Variants in RNF121 observed in about 807,000 individuals in gnomAD.
The protein encoded by RNF121 is ring finger protein 121.
RNF121 carries 21 observed loss-of-function variants against 46.5 expected under a neutral mutation model. The ratio of observed to expected loss-of-function variants is 0.45; its 90% CI spans 0.32 to 0.65. The LOEUF is 0.65. Among genes scored for constraint, RNF121 ranks in the 30% least tolerant of loss-of-function variants. The pLI is 0.04. For synonymous variants in RNF121, 139 were observed against 144.7 expected (o/e 0.96, Z 0.28); for missense variants, 346 against 416.0 (o/e 0.83, Z 1.46).
chr11:71,944,392 T>A (rs1386406894), intron 1 of RNF121, among the ~76,000 whole-genome samples: 7 of 152,210 alleles, frequency 4.6e-5, no homozygotes, highest in African/African-American at 1.7e-4. Context: ...AGAAAGATCA[T>A]TCTTGGGGCA....
At chr11:71,984,527 G>T (rs1201599824) in intron 4 of RNF121, among the ~76,000 whole-genome samples, 1 of 151,932 alleles carries the variant, frequency 6.6e-6, no homozygotes, top group Non-Finnish European at 1.5e-5. Context: ...TGATCTGCCT[G>T]CCTCAACCTC....
intron 3 of RNF121, among the ~76,000 whole-genome samples, chr11:71,973,185 T>A (rs1351022815): frequency 4.2e-5 from 6 of 143,368 alleles, no homozygotes; most frequent in Admixed American, 2.8e-4. Flanking sequence ...AAACTCCATC[T>A]CAAAAAAAAA....
intron 3 of RNF121, among the ~76,000 whole-genome samples, chr11:71,981,055 T>C (rs1954640150): frequency 6.9e-6 from 1 of 145,090 alleles, no homozygotes; most frequent in South Asian, 2.2e-4. Flanking sequence ...AAATACTTTC[T>C]TTTTTTTTTT....
intron 1 of RNF121, among the ~76,000 whole-genome samples, chr11:71,929,355 CAGAG>C (rs542407245): frequency 2.8e-5 from 4 of 140,734 alleles, no homozygotes; most frequent in African/African-American, 5.4e-5. Context: ...AGATGGAGGA[CAGAG>C]AGAGAGGTCG....
intron 1 of RNF121, among the ~76,000 whole-genome samples, chr11:71,938,478 C>G (rs987295676): frequency 2.6e-5 from 4 of 151,808 alleles, no homozygotes; most frequent in African/African-American, 9.7e-5. Flanking sequence ...TGCCCCCACG[C>G]CTGGCTAATT....
At chr11:71,973,628 A>G (rs1304447735) in intron 3 of RNF121, among the ~76,000 whole-genome samples, 2 of 152,058 alleles carry the variant, frequency 1.3e-5, no homozygotes, top group African/African-American at 4.8e-5. Context: ...CTCTACTAAT[A>G]ATACAAAAAT....
At chr11:71,942,616 T>A (rs542515746) in intron 1 of RNF121, among the ~76,000 whole-genome samples, 110 of 151,858 alleles carry the variant, frequency 7.2e-4, no homozygotes, top group African/African-American at 2.5e-3. Flanking sequence ...TATAAAAAAT[T>A]AGCTGGGCAT....
chr11:71,992,042 TTGCAGTGAGCTTGTTCA>T (rs1954873975), intron 6 of RNF121, among the ~76,000 whole-genome samples: 1 of 151,996 alleles, frequency 6.6e-6, no homozygotes, highest in African/African-American at 2.4e-5. Flanking sequence ...CACTTGAGCC[TTGCAGTGAGCTTGTTCA>T]TGCCACCAAA....
At chr11:71,929,250 G>T (rs1953201361) in intron 1 of RNF121, 126 bp downstream of exon 1, 2 of 1,431,952 alleles carry the variant, frequency 1.4e-6, no homozygotes, top group East Asian at 2.6e-5. Context: ...CTGACTAGGG[G>T]GCGGGTGCGT....
At chr11:71,941,016 A>G (rs12282197) in intron 1 of RNF121, among the ~76,000 whole-genome samples, 5,787 of 152,290 alleles carry the variant, frequency 0.038, 342 homozygotes, top group African/African-American at 0.13. Flanking sequence ...ACTGGAATTT[A>G]GGTTAAACGT....
rs1954960866 is a variant in RNF121, at chr11:71,995,684, C to T, written c.863+133C>T. 5 of 695,574 alleles carry T rather than the reference C, an allele frequency of 7.2e-6. No individual in the cohort carries two copies. In the East Asian group the frequency reaches 1.4e-4, roughly 19 times the overall value. 43.1% of individuals were successfully genotyped at this position (695,574 alleles called of 1,614,324 possible). ...GAACATGTCAAACCATGGTGGGAAG[C>T]TGAGCTGCTAGTCCTGCCCCCATGA... On this transcript the variant is annotated intron_variant, in intron 8 of 8. Transcript: ENST00000361756.
At chr11:71,944,539 CAA>C (rs1953668672) in intron 1 of RNF121, among the ~76,000 whole-genome samples, 1 of 152,096 alleles carries the variant, frequency 6.6e-6, no homozygotes, top group Admixed American at 6.5e-5. Flanking sequence ...TGTTAAGTCC[CAA>C]AGGAGCTGGG....
At chr11:71,970,658 A>T in intron 3 of RNF121, among the ~76,000 whole-genome samples, 1 of 152,196 alleles carries the variant, frequency 6.6e-6, no homozygotes, top group Non-Finnish European at 1.5e-5. Flanking sequence ...TGAGACTGTC[A>T]TTTAAAAAAA....
chr11:71,963,904 A>G (rs1246528840), intron 3 of RNF121, among the ~76,000 whole-genome samples: 1 of 152,222 alleles, frequency 6.6e-6, no homozygotes, highest in Non-Finnish European at 1.5e-5. Context: ...CCACATTGTT[A>G]TGATTACTGT....
intron 1 of RNF121, among the ~76,000 whole-genome samples, chr11:71,952,664 C>T (rs930341851): frequency 3.9e-5 from 6 of 152,076 alleles, no homozygotes; most frequent in Non-Finnish European, 8.8e-5. Flanking sequence ...CAAAAATTAG[C>T]CAGGCGTGGT....
Position 71,982,866 on chromosome 11 carries a change from T to C in RNF121, c.349T>C (p.Phe117Leu). ...IWILFSAVTAFVTFRATRKPL... is the reference protein window; with the variant it reads ...IWILFSAVTALVTFRATRKPL... ...GATCTTGTTCTCTGCTGTCACAGCC[T>C]TTGTTACCTTCCGAGCCACCCGAAA... Residue 117 changes from phenylalanine (F) to leucine (L), a missense_variant, in exon 4 of 9, where the codon TTT (phenylalanine) becomes CTT (leucine). This residue lies in a region of RNF121 where 286 missense variants were observed against 383.8 expected (regional missense o/e 0.75). Transcript: ENST00000361756. 2 of 1,613,816 alleles carry C rather than the reference T, an allele frequency of 1.2e-6. No individual in the cohort carries two copies. The highest frequency in any genetic ancestry group is 1.7e-6 in the Non-Finnish European group (2 of 1,179,906).
intron 1 of RNF121, among the ~76,000 whole-genome samples, chr11:71,944,014 A>G (rs1953653679): frequency 1.3e-5 from 2 of 152,148 alleles, no homozygotes; most frequent in Non-Finnish European, 2.9e-5. Context: ...TCTGTAGCTG[A>G]TGATTAGCTG....
chr11:71,996,164 A>G lies in RNF121; in HGVS notation c.864-31A>G, dbSNP rs769181176. The stretch of plus-strand genomic sequence containing the variant: ...CTAGATCACTCCTGGCAGCTCTTGC[A>G]CAGAGTCTCTTTTCTTTAACACACT... On this transcript the variant is annotated intron_variant, in intron 8 of 8. Transcript: ENST00000361756. 14 of 1,613,190 alleles carry G rather than the reference A, an allele frequency of 8.7e-6. No individual in the cohort carries two copies. The South Asian group carries it at 1.5e-4, about 18-fold the overall frequency.
intron 1 of RNF121, among the ~76,000 whole-genome samples, chr11:71,944,051 G>A (rs1351873709): frequency 6.6e-6 from 1 of 152,152 alleles, no homozygotes; most frequent in Non-Finnish European, 1.5e-5. Flanking sequence ...ACTTAGGTTG[G>A]CTGGGCACGG....
Sources: allele counts gnomAD v4.1 joint callset (sites outside exome capture counted in the v4.1 genomes callset), GRCh38; gene constraint gnomAD v4.1.1; regional missense constraint gnomAD v4.1.1; transcripts MANE v1.5; gene names NCBI Gene and HGNC (gene_info 2026-07-23, HGNC 2026-07-21).